ADCY3: variants seen among roughly 807,000 people sequenced by gnomAD.
ADCY3 encodes the protein adenylate cyclase type 3.
In ADCY3, 70 loss-of-function variants were observed where a neutral mutation model predicts 119.4. The ratio of observed to expected loss-of-function variants is 0.59; its 90% CI spans 0.48 to 0.72. The LOEUF is 0.72. Among genes scored for constraint, ADCY3 ranks in the 30% least tolerant of loss-of-function variants. The pLI, the probability that ADCY3 is intolerant of heterozygous loss-of-function variation, is 0.00. For missense variants in ADCY3, 1,238 were observed against 1,541.6 expected, an observed-to-expected ratio of 0.80 and a Z score of 3.30; for synonymous variants, 672 against 621.4, an observed-to-expected ratio of 1.08 and a Z score of -1.21.
intron 2 of ADCY3, among the ~76,000 whole-genome samples, chr2:24,882,237 G>A (rs1222198880): frequency 1.3e-5 from 2 of 151,878 alleles, no homozygotes; most frequent in Admixed American, 1.3e-4. Flanking sequence ...AACCAGAGAA[G>A]GCCATCTGGT....
intron 21 of ADCY3, 29 bp from the exon 22 acceptor site, chr2:24,820,143 G>T: frequency 6.6e-7 from 1 of 1,519,184 alleles, no homozygotes; most frequent in South Asian, 1.3e-5. Flanking sequence ...CAAGAACGTG[G>T]CGTTACGGGG....
At chr2:24,859,944 C>A (rs530176229) in intron 3 of ADCY3, among the ~76,000 whole-genome samples, 1 of 152,318 alleles carries the variant, frequency 6.6e-6, no homozygotes, top group South Asian at 2.1e-4. Context: ...CCTCTACGTG[C>A]CCTGGCTGCA....
Position 24,872,755 on chromosome 2 carries a change from G to A in ADCY3, c.676-36C>T. On this transcript the variant is annotated intron_variant, in intron 2 of 21. Coordinates refer to ENST00000679454, the MANE Select transcript of ADCY3 (RefSeq NM_004036.5). The surrounding 1 kb of genome is among the most constrained non-coding windows in gnomAD (Gnocchi z 4.4). ...AGGAAGAAGAGAGAAAAGGCCAGGG[G>A]TGAAGGCACGTCTTCAGAAAAGGGG... 6.2e-7 allele frequency: 1 copy of A among 1,600,300 alleles called. No homozygotes were observed.
chr2:24,901,044 G>A (rs368092628), intron 2 of ADCY3, among the ~76,000 whole-genome samples: 1 of 152,124 alleles, frequency 6.6e-6, no homozygotes, highest in Non-Finnish European at 1.5e-5. Flanking sequence ...CAGCCTGGGC[G>A]ACAACAGTGA....
At chr2:24,849,482 A>AT (rs1275350418) in intron 3 of ADCY3, among the ~76,000 whole-genome samples, 1 of 152,080 alleles carries the variant, frequency 6.6e-6, no homozygotes, top group African/African-American at 2.4e-5. Context: ...GGGAATTTCC[A>AT]TTTTTTTCCC....
chr2:24,871,224 A>C (rs1674973661), intron 3 of ADCY3, among the ~76,000 whole-genome samples: 1 of 152,194 alleles, frequency 6.6e-6, no homozygotes, highest in Non-Finnish European at 1.5e-5. Context: ...ATTAAAAAAA[A>C]ACAGAGTTGA....
chr2:24,866,602 A>G (rs527437698), intron 3 of ADCY3, among the ~76,000 whole-genome samples: 192 of 150,380 alleles, frequency 1.3e-3, no homozygotes, highest in South Asian at 2.3e-3. Context: ...AAAAAAGGCC[A>G]AGATGCCAGG....
Position 24,824,426 on chromosome 2 carries a change from C to T in ADCY3, c.2688G>A (p.Leu896=). The change falls in exon 17 of 22, where the codon TTG becomes TTA. Residue 896 remains leucine, a synonymous_variant. Coordinates refer to ENST00000679454, the MANE Select transcript of ADCY3 (RefSeq NM_004036.5). ...RWNEALVTNM[L]PEHVARHFLG... is the part of the protein sequence containing the mutation. The stretch of plus-strand genomic sequence containing the variant: ...GGAAATGGCGTGCCACGTGCTCAGG[C>T]AACATGTTGGTGACCAAGGCCTCGT... 6.2e-7 allele frequency: 1 copy of T among 1,614,244 alleles called. No homozygotes were observed. Among genetic ancestry groups the T allele is most frequent in the South Asian group, 1.1e-5 (1 of 91,092 alleles).
intron 15 of ADCY3, chr2:24,826,570 A>G (rs573747627): frequency 1.9e-5 from 3 of 160,970 alleles, no homozygotes; most frequent in Admixed American, 6.3e-5. Flanking sequence ...CCATTACCGT[A>G]TGGTATTTCA....
At chr2:24,832,418 G>C (rs945185856) in intron 11 of ADCY3, among the ~76,000 whole-genome samples, 1 of 152,122 alleles carries the variant, frequency 6.6e-6, no homozygotes, top group African/African-American at 2.4e-5. Context: ...CTAAGAGTCT[G>C]CCTGTGACAG....
intron 2 of ADCY3, among the ~76,000 whole-genome samples, chr2:24,881,060 G>A (rs544869139): frequency 3.3e-5 from 5 of 151,136 alleles, no homozygotes; most frequent in African/African-American, 9.7e-5. Context: ...CTTTGACCAC[G>A]TGATTTGCTT....
intron 2 of ADCY3, among the ~76,000 whole-genome samples, chr2:24,910,279 T>C (rs6744205): frequency 0.52 from 79,445 of 152,082 alleles, 22,926 homozygotes; most frequent in African/African-American, 0.78. Context: ...CATGGCTCAT[T>C]GCAGCATCCG....
intron 8 of ADCY3, among the ~76,000 whole-genome samples, chr2:24,837,481 C>T (rs1199276440): frequency 6.6e-6 from 1 of 152,094 alleles, no homozygotes; most frequent in African/African-American, 2.4e-5. Flanking sequence ...TTAGAATCAG[C>T]GGGGAGTATC....
At chr2:24,822,329 T>C (rs1667891625) in intron 19 of ADCY3, 182 bp downstream of exon 19, 2 of 856,290 alleles carry the variant, frequency 2.3e-6, no homozygotes, top group Non-Finnish European at 3.5e-6. Context: ...GTCTGTTCTG[T>C]TTCTCTGCTT....
At chr2:24,897,054 G>A (rs1249827722) in intron 2 of ADCY3, among the ~76,000 whole-genome samples, 3 of 152,022 alleles carry the variant, frequency 2.0e-5, no homozygotes, top group African/African-American at 7.2e-5. Flanking sequence ...GCTCACTCTC[G>A]ACTGGAAGCA....
chr2:24,844,227 G>T (rs757419151), intron 3 of ADCY3, among the ~76,000 whole-genome samples: 4 of 152,074 alleles, frequency 2.6e-5, no homozygotes, highest in African/African-American at 4.8e-5. Flanking sequence ...CCATGGGGTC[G>T]GCTGCTGAAA....
At chr2:24,886,225 T>TGGA (rs1310771303) in intron 2 of ADCY3, among the ~76,000 whole-genome samples, 1 of 152,188 alleles carries the variant, frequency 6.6e-6, no homozygotes, top group Non-Finnish European at 1.5e-5. Flanking sequence ...AATGAATACA[T>TGGA]GGAGGACACA....
Position 24,821,288 on chromosome 2 carries a change from T to C in ADCY3, c.3127+229A>G, listed in dbSNP as rs1043034791. The C allele has an allele frequency of 1.1e-5, 6 of 554,944 alleles. No homozygotes were observed. The African/African-American group carries it at 1.1e-4, about 11-fold the overall frequency. 34.4% of individuals were successfully genotyped at this position (554,944 alleles called of 1,614,324 possible). ...AGCCAGGCAGGCCAAGCTTCTATTG[T>C]AACAGTAGGCACAGTATAGTCGGAT... On this transcript the variant is annotated intron_variant, in intron 20 of 21. Transcript: ENST00000679454.
At chr2:24,893,021 A>ATTTTTTTTTTTTTTTTTTTTTT (rs1677867981) in intron 2 of ADCY3, among the ~76,000 whole-genome samples, 1 of 145,150 alleles carries the variant, frequency 6.9e-6, no homozygotes. Flanking sequence ...TTTACTTTTA[A>ATTTTTTTTTTTTTTTTTTTTTT]TCTATGTGTC....
Sources: allele counts gnomAD v4.1 joint callset (sites outside exome capture counted in the v4.1 genomes callset), GRCh38; gene constraint gnomAD v4.1.1; non-coding constraint Gnocchi (gnomAD v3.1); transcripts MANE v1.5; gene names NCBI Gene and HGNC (gene_info 2026-07-23, HGNC 2026-07-21).